PLXNA4: variants seen among roughly 807,000 people sequenced by gnomAD.
PLXNA4 encodes the protein plexin-A4.
A neutral mutation model predicts 191.8 loss-of-function variants in PLXNA4; 44 were observed. The observed-to-expected ratio is 0.23, with a 90% confidence interval of 0.18 to 0.29. PLXNA4 has a LOEUF of 0.29. PLXNA4 is among the 10% of genes least tolerant of loss of function. PLXNA4 has a pLI of 1.00. For synonymous variants in PLXNA4, 1,082 were observed against 1,009.5 expected, an observed-to-expected ratio of 1.07 and a Z score of -1.36; for missense variants, 1,800 against 2,488.8, an observed-to-expected ratio of 0.72 and a Z score of 5.89.
intron 9 of PLXNA4, among the ~76,000 whole-genome samples, chr7:132,221,407 G>A (rs541789114): frequency 1.3e-5 from 2 of 152,330 alleles, no homozygotes; most frequent in African/African-American, 4.8e-5. Flanking sequence ...GAGAGAAGCT[G>A]AGGACCACTT....
intron 3 of PLXNA4, among the ~76,000 whole-genome samples, chr7:132,409,655 G>T (rs1280021001): frequency 2.0e-5 from 3 of 152,166 alleles, no homozygotes; most frequent in Non-Finnish European, 4.4e-5. Context: ...AATTACATGG[G>T]ACTGTATCTC....
intron 4 of PLXNA4, among the ~76,000 whole-genome samples, chr7:132,268,481 T>C (rs17166302): frequency 0.047 from 7,098 of 152,288 alleles, 560 homozygotes; most frequent in African/African-American, 0.16. Context: ...TGAAATTTTG[T>C]TTGGATCACT....
At position 132,464,463 on chromosome 7, in the gene PLXNA4, G is replaced by C. The variant is rs550598547; in HGVS notation, c.1371+24829C>G. 2.6e-5 allele frequency among the ~76,000 whole-genome samples: 4 copies of C among 152,258 alleles called. No homozygotes were observed. In the East Asian group the frequency reaches 7.7e-4, roughly 29 times the overall value. On this transcript the variant is annotated intron_variant, in intron 3 of 31. Coordinates refer to ENST00000321063, the MANE Select transcript of PLXNA4 (RefSeq NM_020911.2). ...GTTTTGTGACCTTGCCTGAGTCAGG[G>C]AACCTCTTTAACCTGATTCCTTATC...
intron 3 of PLXNA4, among the ~76,000 whole-genome samples, chr7:132,332,395 T>C (rs941416264): frequency 3.9e-5 from 6 of 152,170 alleles, no homozygotes; most frequent in African/African-American, 7.2e-5. Flanking sequence ...CAAGAACATC[T>C]CTATCAGGTC....
rs920281461 is a variant in PLXNA4, at chr7:132,514,867, T to C, written c.-86-6088A>G. Among the ~76,000 whole-genome samples the C allele has an allele frequency of 3.0e-4, 46 of 152,208 alleles. 1 individual carries two copies. The highest frequency in any genetic ancestry group is 6.5e-5 in the Admixed American group (1 of 15,288). On this transcript the variant is annotated intron_variant, in intron 1 of 31. Coordinates refer to ENST00000321063, the MANE Select transcript of PLXNA4 (RefSeq NM_020911.2). The stretch of plus-strand genomic sequence containing the variant: ...GTTTTCTTTGAAGAAGCCCAACTAA[T>C]ATAGTCATGGTCAAAAAAATTTGAA...
intron 1 of PLXNA4, among the ~76,000 whole-genome samples, chr7:132,536,135 C>T (rs1413434552): frequency 6.6e-6 from 1 of 152,192 alleles, no homozygotes. Flanking sequence ...ATAGGACATA[C>T]TGCATTGGGC....
intron 3 of PLXNA4, among the ~76,000 whole-genome samples, chr7:132,453,603 G>A (rs1309855464): frequency 3.3e-5 from 5 of 151,652 alleles, no homozygotes; most frequent in Non-Finnish European, 4.4e-5. Flanking sequence ...GAGCAGTGGC[G>A]CAATCTCGGC....
rs945245435 is a variant in PLXNA4 at position 132,518,387 on chromosome 7, G to C, written c.-86-9608C>G. Among the ~76,000 whole-genome samples the C allele has an allele frequency of 2.0e-5, 3 of 152,206 alleles. 1 individual carries two copies. In the South Asian group the frequency reaches 6.2e-4, roughly 32 times the overall value. Reference sequence around the variant, plus strand: ...GTGTGGGTGGGGCCTGGTGGGGTCAGCTCAGCCACAACACAGCCTTAGTCC... The same window carrying C: ...GTGTGGGTGGGGCCTGGTGGGGTCACCTCAGCCACAACACAGCCTTAGTCC... On this transcript the variant is annotated intron_variant, in intron 1 of 31. Coordinates refer to ENST00000321063, the MANE Select transcript of PLXNA4 (RefSeq NM_020911.2).
chr7:132,289,620 C>A (rs1233219611), intron 4 of PLXNA4, among the ~76,000 whole-genome samples: 1 of 151,888 alleles, frequency 6.6e-6, no homozygotes, highest in East Asian at 1.9e-4. Context: ...GCAGCCTCAA[C>A]CTCCTAGATT....
chr7:132,283,329 A>G (rs751679323), intron 4 of PLXNA4, among the ~76,000 whole-genome samples: 7 of 152,238 alleles, frequency 4.6e-5, no homozygotes, highest in Non-Finnish European at 7.3e-5. Flanking sequence ...TAATAATAGT[A>G]ATAAAATGTG....
In PLXNA4 at chr7:132,602,323, T is replaced by C. The variant is rs141711699; in HGVS notation, c.-87+43605A>G. Among the ~76,000 whole-genome samples the C allele has an allele frequency of 3.3e-5, 5 of 152,296 alleles. No homozygotes were observed. The East Asian group carries it at 7.7e-4, about 24-fold the overall frequency. On this transcript the variant is annotated intron_variant, in intron 2 of 4. Coordinates refer to the PLXNA4 transcript ENST00000378539. ...CATTTGGAGTCCACTCTCTCAGTCA[T>C]GGCTTTGCAGGGAGGTTTGGAGCTC...
chr7:132,535,765 T>A (rs1799805903), intron 1 of PLXNA4, among the ~76,000 whole-genome samples: 1 of 108,830 alleles, frequency 9.2e-6, no homozygotes, highest in Admixed American at 1.0e-4. Context: ...TCCCGATGAT[T>A]GAAAAATCAA....
intron 25 of PLXNA4, among the ~76,000 whole-genome samples, chr7:132,155,637 G>A (rs898763087): frequency 1.3e-5 from 2 of 152,158 alleles, no homozygotes; most frequent in Admixed American, 6.5e-5. Context: ...CAGGGGGAGT[G>A]CTACCTGGGC....
At chr7:132,563,091 T>C (rs1272589950) in intron 1 of PLXNA4, among the ~76,000 whole-genome samples, 102 of 23,724 alleles carry the variant, frequency 4.3e-3, no homozygotes, top group East Asian at 4.8e-3. Context: ...CCTCCTCCTC[T>C]TCTTCCTCCT....
intron 30 of PLXNA4, among the ~76,000 whole-genome samples, chr7:132,134,631 C>G (rs1433401327): frequency 6.6e-6 from 1 of 152,228 alleles, no homozygotes; most frequent in Non-Finnish European, 1.5e-5. Context: ...ATACCAGACA[C>G]TTTCTCAACT....
At chr7:132,392,236 C>G (rs1221347915) in intron 3 of PLXNA4, among the ~76,000 whole-genome samples, 1 of 152,188 alleles carries the variant, frequency 6.6e-6, no homozygotes, top group African/African-American at 2.4e-5. Flanking sequence ...AGGGCAGCAT[C>G]TATGTGCCAA....
intron 3 of PLXNA4, among the ~76,000 whole-genome samples, chr7:132,371,849 G>A (rs1190679005): frequency 2.0e-5 from 3 of 152,126 alleles, no homozygotes; most frequent in African/African-American, 4.8e-5. Context: ...AGCCACTGAA[G>A]AGTGCTTTAA....
intron 3 of PLXNA4, among the ~76,000 whole-genome samples, chr7:132,402,962 G>C (rs978435374): frequency 1.3e-5 from 2 of 152,180 alleles, no homozygotes; most frequent in East Asian, 3.9e-4. Flanking sequence ...CTGACGCACC[G>C]CCACCATGCA....
chr7:132,257,212 G>A (rs1799463741), intron 4 of PLXNA4, among the ~76,000 whole-genome samples: 1 of 152,218 alleles, frequency 6.6e-6, no homozygotes, highest in South Asian at 2.1e-4. Context: ...CTCGTGATGA[G>A]CTGCAGCTGC....
Sources: gnomAD v4.1 joint callset for allele counts (sites outside exome capture counted in the v4.1 genomes callset) on GRCh38, gnomAD v4.1.1 for gene constraint, MANE v1.5 for transcripts, NCBI Gene and HGNC (gene_info 2026-07-23, HGNC 2026-07-21) for gene names.